CRYBG1: variants seen among roughly 807,000 people sequenced by gnomAD.
The protein encoded by CRYBG1 is crystallin beta-gamma domain containing 1, also known as beta/gamma crystallin domain-containing protein 1.
A neutral mutation model predicts 189.2 loss-of-function variants in CRYBG1; 139 were observed. That is an observed-to-expected ratio of 0.73 (90% CI 0.64 to 0.85). The LOEUF is 0.85. Ranked by LOEUF, CRYBG1 falls within the 40% of genes least tolerant of loss-of-function variation. The pLI, the probability that CRYBG1 is intolerant of heterozygous loss-of-function variation, is 0.00. For synonymous variants in CRYBG1, 1,023 were observed against 1,017.1 expected, an observed-to-expected ratio of 1.01 and a Z score of -0.11; for missense variants, 2,611 against 2,675.8, an observed-to-expected ratio of 0.98 and a Z score of 0.53.
chr6:106,363,920 G>GGTC (rs745831205), intron 1 of CRYBG1, among the ~76,000 whole-genome samples: 265 of 151,884 alleles, frequency 1.7e-3, no homozygotes, highest in Middle Eastern at 3.4e-3. Flanking sequence ...AAAGCATCCT[G>GGTC]GTCATCATCA....
chr6:106,519,863 C>G lies in CRYBG1; in HGVS notation c.2655C>G (p.Pro885=). 1 of 1,614,166 alleles carries G rather than the reference C, an allele frequency of 6.2e-7. No individual in the cohort carries two copies. Reference sequence around the variant, plus strand: ...CTGCACCCGCTCCTGGGGATGTTCCCAAAGACACATGTGTTCAATCACCCA... The same window carrying G: ...CTGCACCCGCTCCTGGGGATGTTCCGAAAGACACATGTGTTCAATCACCCA... ...SLSAPAPGDV[P]KDTCVQSPIS... The change falls in exon 4 of 22, where the codon CCC becomes CCG. Residue 885 remains proline, a synonymous_variant. Transcript: ENST00000633556.
At chr6:106,490,223 A>G (rs1772689523) in intron 2 of CRYBG1, among the ~76,000 whole-genome samples, 1 of 152,238 alleles carries the variant, frequency 6.6e-6, no homozygotes, top group Non-Finnish European at 1.5e-5. Flanking sequence ...CCTGGTGTGA[A>G]TGCAGGCTGT....
At chr6:106,483,402 A>ATATATATATAT (rs1361096436) in intron 2 of CRYBG1, among the ~76,000 whole-genome samples, 4 of 88,280 alleles carry the variant, frequency 4.5e-5, no homozygotes, top group Admixed American at 2.5e-4. Flanking sequence ...ATATATATAT[A>ATATATATATAT]AAACATTTTC....
At chr6:106,447,224 C>T (rs1771680325) in intron 1 of CRYBG1, among the ~76,000 whole-genome samples, 1 of 152,152 alleles carries the variant, frequency 6.6e-6, no homozygotes, top group Non-Finnish European at 1.5e-5. Context: ...ACAAAGGAAA[C>T]TGTGCTTCCA....
intron 1 of CRYBG1, among the ~76,000 whole-genome samples, chr6:106,400,156 A>AAGAG (rs1554232159): frequency 6.9e-6 from 1 of 143,912 alleles, no homozygotes; most frequent in African/African-American, 2.5e-5. Flanking sequence ...AAAAAAAAAA[A>AAGAG]AGAGAGAGAG....
At chr6:106,553,337 C>A in intron 15 of CRYBG1, 118 bp from the exon 16 acceptor site, 2 of 638,604 alleles carry the variant, frequency 3.1e-6, no homozygotes, top group Non-Finnish European at 2.8e-6. Flanking sequence ...TTCTAAAATT[C>A]GTACCAGTTT....
chr6:106,495,018 A>G (rs143458117), intron 2 of CRYBG1, among the ~76,000 whole-genome samples: 2 of 152,238 alleles, frequency 1.3e-5, no homozygotes, highest in East Asian at 3.9e-4. Flanking sequence ...TTTTCATGCA[A>G]TTTAATGTAT....
At chr6:106,567,125 T>C (rs1774911661) in intron 21 of CRYBG1, among the ~76,000 whole-genome samples, 1 of 152,258 alleles carries the variant, frequency 6.6e-6, no homozygotes, top group Non-Finnish European at 1.5e-5. Context: ...ACTTTACTTT[T>C]AAAATACAAA....
At chr6:106,559,657 GCC>G (rs1260404890) in intron 18 of CRYBG1, among the ~76,000 whole-genome samples, 2 of 152,090 alleles carry the variant, frequency 1.3e-5, no homozygotes, top group African/African-American at 2.4e-5. Context: ...TGGTGGTGGG[GCC>G]CCTGTAATCC....
intron 1 of CRYBG1, among the ~76,000 whole-genome samples, chr6:106,435,411 T>C (rs1562306371): frequency 6.6e-6 from 1 of 152,140 alleles, no homozygotes; most frequent in Non-Finnish European, 1.5e-5. Flanking sequence ...ATGATGCTCC[T>C]GCCTTGGCCT....
At chr6:106,501,809 A>G (rs1773016584) in intron 2 of CRYBG1, among the ~76,000 whole-genome samples, 1 of 152,260 alleles carries the variant, frequency 6.6e-6, no homozygotes, top group South Asian at 2.1e-4. Flanking sequence ...ACAGGAAACT[A>G]AGACATTTCT....
At chr6:106,403,424 A>G (rs76542502) in intron 1 of CRYBG1, among the ~76,000 whole-genome samples, 2,517 of 152,332 alleles carry the variant, frequency 0.017, 29 homozygotes, top group South Asian at 0.044. Context: ...TTGTGGGATC[A>G]TGGGTTGTGC....
chr6:106,459,335 T>G lies in CRYBG1; in HGVS notation c.312+7503T>G, dbSNP rs572550088. On this transcript the variant is annotated intron_variant, in intron 2 of 21. Coordinates refer to ENST00000633556, the MANE Select transcript of CRYBG1 (RefSeq NM_001371242.2). ...AGAAGGCTTTATCTGTTGTAGGGTG[T>G]TTTTTTAAGAAGAGCATGGTAATAT... Among the ~76,000 whole-genome samples the G allele has an allele frequency of 5.9e-5, 9 of 152,254 alleles. No homozygotes were observed. In the East Asian group the frequency reaches 1.7e-3, roughly 29 times the overall value.
At chr6:106,405,915 G>T (rs983414711) in intron 1 of CRYBG1, among the ~76,000 whole-genome samples, 3 of 152,198 alleles carry the variant, frequency 2.0e-5, no homozygotes, top group Admixed American at 6.5e-5. Flanking sequence ...CCACAAAGAT[G>T]AGGAAAAATC....
chr6:106,409,816 G>C (rs1018325088), intron 1 of CRYBG1, among the ~76,000 whole-genome samples: 3 of 152,174 alleles, frequency 2.0e-5, no homozygotes, highest in Admixed American at 2.0e-4. Context: ...AAACTGGCTA[G>C]CCATATGCAG....
At chr6:106,441,697 G>A (rs1771570485) in intron 1 of CRYBG1, among the ~76,000 whole-genome samples, 1 of 152,198 alleles carries the variant, frequency 6.6e-6, no homozygotes, top group Non-Finnish European at 1.5e-5. Context: ...GTGCAGGTGA[G>A]TGAGAGAAGC....
At chr6:106,412,369 GTATTT>G (rs1231304596) in intron 1 of CRYBG1, among the ~76,000 whole-genome samples, 1 of 152,144 alleles carries the variant, frequency 6.6e-6, no homozygotes, top group African/African-American at 2.4e-5. Context: ...GTGTAATTAT[GTATTT>G]TAAATATTTT....
intron 1 of CRYBG1, among the ~76,000 whole-genome samples, chr6:106,411,182 A>G (rs79499875): frequency 2.2e-3 from 330 of 152,336 alleles, no homozygotes; most frequent in Non-Finnish European, 4.0e-3. Flanking sequence ...GTAAGGTAAT[A>G]AAATGCATTT....
chr6:106,390,803 A>G (rs1055467224), intron 1 of CRYBG1, among the ~76,000 whole-genome samples: 3 of 152,196 alleles, frequency 2.0e-5, no homozygotes, highest in African/African-American at 7.2e-5. Context: ...TTTATTTTAT[A>G]CATGCTATTA....
Sources: gnomAD v4.1 joint callset for allele counts (sites outside exome capture counted in the v4.1 genomes callset) on GRCh38, gnomAD v4.1.1 for gene constraint, MANE v1.5 for transcripts, NCBI Gene and HGNC (gene_info 2026-07-23, HGNC 2026-07-21) for gene names.